Variants in OSBPL5 observed in about 807,000 individuals in gnomAD.
OSBPL5 encodes the protein oxysterol-binding protein-related protein 5.
In OSBPL5, 71 loss-of-function variants were observed where a neutral mutation model predicts 111.2. The ratio of observed to expected loss-of-function variants is 0.64; its 90% CI spans 0.53 to 0.78. OSBPL5 has a LOEUF of 0.78. Ranked by LOEUF, OSBPL5 falls within the 30% of genes least tolerant of loss-of-function variation. The probability of loss-of-function intolerance (pLI) is 0.00; values close to 1 mark genes in which losing one functional copy is unlikely to be tolerated. For missense variants in OSBPL5, 1,210 were observed against 1,189.3 expected, an observed-to-expected ratio of 1.02 and a Z score of -0.26; for synonymous variants, 549 against 513.9, an observed-to-expected ratio of 1.07 and a Z score of -0.93.
chr11:3,160,672 T>TCCCCCCCCCCCCCCCCCC (rs71035491), intron 1 of OSBPL5, among the ~76,000 whole-genome samples: 11 of 122,436 alleles, frequency 9.0e-5, no homozygotes, highest in Admixed American at 2.5e-4. Context: ...ATGACAACCC[T>TCCCCCCCCCCCCCCCCCC]CCCCCCCCCC....
In OSBPL5 at chr11:3,141,920, T is replaced by C. The variant is rs898526399; in HGVS notation, c.-21-12751A>G. Among the ~76,000 whole-genome samples, 1 of 152,198 alleles carries C rather than the reference T, an allele frequency of 6.6e-6. No homozygotes were observed. Among genetic ancestry groups the C allele is most frequent in the African/African-American group, 2.4e-5 (1 of 41,450 alleles). ...CAGTTGCAGTTTCTTTTCTTTCTTT[T>C]TATTTTTTTTGAGACGGAGTCTCGC... On this transcript the variant is annotated intron_variant, in intron 1 of 21. Transcript: ENST00000263650. The surrounding 1 kb of genome is among the most constrained non-coding windows in gnomAD (Gnocchi z 6.5).
rs1266906348 is a variant in OSBPL5, at chr11:3,104,235, T to C, written c.1202A>G (p.Asn401Ser). The C allele has an allele frequency of 6.2e-7, 1 of 1,613,076 alleles. No homozygotes were observed. Among genetic ancestry groups the C allele is most frequent in the South Asian group, 1.1e-5 (1 of 91,062 alleles). The change falls in exon 10 of 22, where the codon AAC becomes AGC. Residue 401 changes from asparagine to serine, a missense_variant. Coordinates refer to ENST00000263650, the MANE Select transcript of OSBPL5 (RefSeq NM_020896.4). This position sits in a 1 kb window ranked among gnomAD's most constrained non-coding sequence, Gnocchi z 5.0. ...TFVLEPRSFL[N>S]KLSDYYYHAD... ...GTGGTAGTAGTAGTCGGAGAGCTTG[T>C]TCAGGAAGGAGCGCGGCTCCAGTAC...
At chr11:3,117,016 T>C (rs543410480) in intron 7 of OSBPL5, among the ~76,000 whole-genome samples, 73 of 152,350 alleles carry the variant, frequency 4.8e-4, no homozygotes, top group African/African-American at 1.6e-3. Context: ...AGCATATTTG[T>C]TTCTCTCTAC....
intron 1 of OSBPL5, among the ~76,000 whole-genome samples, chr11:3,131,686 C>T (rs1845790843): frequency 6.8e-6 from 1 of 146,150 alleles, no homozygotes; most frequent in South Asian, 2.2e-4. Context: ...ATCCACCCAC[C>T]CACCCATTCA....
intron 1 of OSBPL5, among the ~76,000 whole-genome samples, chr11:3,150,072 A>T (rs114350837): frequency 0.013 from 2,002 of 152,296 alleles, 52 homozygotes; most frequent in African/African-American, 0.046. Context: ...ACACACACAC[A>T]GCAAATCAGG....
rs183348848 is a variant in OSBPL5, at chr11:3,094,417, C to A, written c.1622-83G>T. ...CTGCTGAGTACCGACCCAGCAGCACCGATCCCTGAGTCCCGACCCAGCAGC... is the reference window on the plus strand; with the variant it reads ...CTGCTGAGTACCGACCCAGCAGCACAGATCCCTGAGTCCCGACCCAGCAGC... On this transcript the variant is annotated intron_variant, in intron 14 of 21. Coordinates refer to ENST00000263650, the MANE Select transcript of OSBPL5 (RefSeq NM_020896.4). 51 of 1,102,580 alleles carry A rather than the reference C, an allele frequency of 4.6e-5. No individual in the cohort carries two copies. The East Asian group carries it at 9.2e-4, about 20-fold the overall frequency. The allele number at this position is 1,102,580 out of a possible 1,614,324, so 68.3% of individuals were successfully genotyped here.
chr11:3,108,126 G>C (rs1261618815), intron 7 of OSBPL5, among the ~76,000 whole-genome samples, 181 bp from the exon 8 acceptor site: 1 of 152,116 alleles, frequency 6.6e-6, no homozygotes, highest in Non-Finnish European at 1.5e-5. Context: ...CCCACATCCA[G>C]CTGCAGATTG....
intron 14 of OSBPL5, among the ~76,000 whole-genome samples, chr11:3,095,104 G>C (rs372550360): frequency 1.3e-5 from 2 of 152,096 alleles, no homozygotes; most frequent in African/African-American, 4.8e-5. Context: ...AATCCCTCCA[G>C]AGGGGGCTGT....
chr11:3,131,019 G>A (rs1858806063), intron 1 of OSBPL5, among the ~76,000 whole-genome samples: 1 of 152,120 alleles, frequency 6.6e-6, no homozygotes, highest in South Asian at 2.1e-4. Context: ...AATGTCCCAG[G>A]CAGTGTGGTG....
At chr11:3,151,553 G>A (rs1178837801) in intron 1 of OSBPL5, among the ~76,000 whole-genome samples, 3 of 152,150 alleles carry the variant, frequency 2.0e-5, no homozygotes, top group Non-Finnish European at 4.4e-5. Flanking sequence ...CATCCAAACC[G>A]ACCCCTGCCC....
chr11:3,158,705 G>A (rs1846859803), intron 1 of OSBPL5, among the ~76,000 whole-genome samples: 1 of 152,264 alleles, frequency 6.6e-6, no homozygotes, highest in Admixed American at 6.5e-5. Flanking sequence ...GAGGAAGGAC[G>A]AGAAAGATTT....
intron 1 of OSBPL5, among the ~76,000 whole-genome samples, chr11:3,134,972 T>C (rs1239747031): frequency 1.3e-5 from 2 of 152,148 alleles, no homozygotes; most frequent in Non-Finnish European, 2.9e-5. Context: ...GCTCGGCCCA[T>C]GGAAGGCCCC....
At chr11:3,094,634 C>T (rs1857193723) in intron 14 of OSBPL5, 5 of 366,030 alleles carry the variant, frequency 1.4e-5, no homozygotes, top group Admixed American at 4.2e-5. Context: ...GCTCTGTCCT[C>T]GCCAGGGCCT....
In OSBPL5 at chr11:3,121,132, G is replaced by A. The variant is rs1038976223; in HGVS notation, c.403-508C>T. 5.4e-5 allele frequency among the ~76,000 whole-genome samples: 8 copies of A among 148,518 alleles called. No individual in the cohort carries two copies. The South Asian group carries it at 6.4e-4, about 12-fold the overall frequency. On this transcript the variant is annotated intron_variant, in intron 5 of 21. Coordinates refer to ENST00000263650, the MANE Select transcript of OSBPL5 (RefSeq NM_020896.4). This position sits in a 1 kb window ranked among gnomAD's most constrained non-coding sequence, Gnocchi z 4.3. Reference sequence around the variant, plus strand: ...AGGTGCAGTGGTGCTATCTTGGCTCGCTGCAAACTCTGCCTCCCAGGTTCA... The same window carrying A: ...AGGTGCAGTGGTGCTATCTTGGCTCACTGCAAACTCTGCCTCCCAGGTTCA...
At chr11:3,102,119 C>T (rs568435372) in intron 12 of OSBPL5, 64 bp downstream of exon 12, 2 of 1,500,140 alleles carry the variant, frequency 1.3e-6, no homozygotes, top group Non-Finnish European at 1.8e-6. Context: ...CAGGGCCCCG[C>T]CCCCACAGAG....
chr11:3,136,316 G>C (rs892016300), intron 1 of OSBPL5, among the ~76,000 whole-genome samples: 1 of 152,256 alleles, frequency 6.6e-6, no homozygotes, highest in African/African-American at 2.4e-5. Context: ...CTCGCCTTCA[G>C]GCTAGGATAA....
At chr11:3,098,431 A>C (rs1590640676) in intron 14 of OSBPL5, among the ~76,000 whole-genome samples, 1 of 150,908 alleles carries the variant, frequency 6.6e-6, no homozygotes, top group African/African-American at 2.4e-5. Flanking sequence ...ACAAACAAAA[A>C]CCTTCAATCA....
At chr11:3,151,607 T>C (rs1462166983) in intron 1 of OSBPL5, among the ~76,000 whole-genome samples, 3 of 152,250 alleles carry the variant, frequency 2.0e-5, no homozygotes, top group Non-Finnish European at 4.4e-5. Flanking sequence ...AAGCCTCATG[T>C]ACCTTTATTT....
chr11:3,103,727 C>CCTCTGCAGTCCCTTCCTGCCTCTGCAGT (rs1564829646), intron 10 of OSBPL5, among the ~76,000 whole-genome samples: 1 of 80,400 alleles, frequency 1.2e-5, no homozygotes, highest in Admixed American at 1.3e-4. Flanking sequence ...GGCTCTGCTG[C>CCTCTGCAGTCCCTTCCTGCCTCTGCAGT]CCCTTCCTGC....
Sources: gnomAD v4.1 joint callset for allele counts (sites outside exome capture counted in the v4.1 genomes callset) on GRCh38, gnomAD v4.1.1 for gene constraint, Gnocchi (gnomAD v3.1) non-coding constraint, MANE v1.5 for transcripts, NCBI Gene and HGNC (gene_info 2026-07-23, HGNC 2026-07-21) for gene names.